The following ARL13B variants were observed in gnomAD, a reference collection of about 807,000 sequenced individuals.
ARL13B encodes the protein ARF like GTPase 13B, also known as ADP-ribosylation factor-like protein 13B.
A neutral mutation model predicts 56.1 loss-of-function variants in ARL13B; 36 were observed. That is an observed-to-expected ratio of 0.64 (90% CI 0.49 to 0.85). The LOEUF (loss-of-function observed/expected upper bound fraction) is 0.85. ARL13B is among the 40% of genes least tolerant of loss of function. The pLI, the probability that ARL13B is intolerant of heterozygous loss-of-function variation, is 0.00. For synonymous variants in ARL13B, 178 were observed against 171.1 expected (o/e 1.04, Z -0.32); for missense variants, 519 against 507.1 (o/e 1.02, Z -0.23).
chr3:93,997,963 G>A (rs930984853), intron 2 of ARL13B, among the ~76,000 whole-genome samples: 3 of 151,998 alleles, frequency 2.0e-5, no homozygotes, highest in Non-Finnish European at 4.4e-5. Context: ...TCCAGTCTGG[G>A]CAACAGTGAG....
intron 3 of ARL13B, among the ~76,000 whole-genome samples, chr3:94,007,001 A>G (rs2076146701): frequency 6.6e-6 from 1 of 152,186 alleles, no homozygotes; most frequent in Non-Finnish European, 1.5e-5. Flanking sequence ...TGTTGCACAC[A>G]GCTTCCTCCT....
In ARL13B at chr3:94,054,168, G is replaced by A. The variant is rs1485675700; in HGVS notation, c.*905G>A. 1 of 453,082 alleles carries A rather than the reference G, an allele frequency of 2.2e-6. No homozygotes were observed. Among genetic ancestry groups the A allele is most frequent in the South Asian group, 1.6e-5 (1 of 64,332 alleles). The allele number at this position is 453,082 out of a possible 1,614,324, so 28.1% of individuals were successfully genotyped here. ...TCAGAAGCTGCAGTGACTCTTTTAG[G>A]TGATTCTAATTCTTTCATGCCTTGA... On this transcript the variant is annotated 3_prime_UTR_variant, in exon 10 of 10. Coordinates refer to ENST00000394222, the MANE Select transcript of ARL13B (RefSeq NM_001174150.2).
chr3:93,996,643 G>T (rs749837056), intron 2 of ARL13B: 3 of 436,694 alleles, frequency 6.9e-6, no homozygotes, highest in South Asian at 3.3e-5. Context: ...CTCCAAGAGT[G>T]CTGGGATTAC....
At chr3:94,046,102 A>G (rs1157383636) in intron 7 of ARL13B, among the ~76,000 whole-genome samples, 2 of 152,138 alleles carry the variant, frequency 1.3e-5, no homozygotes, top group African/African-American at 4.8e-5. Context: ...GGTAATTTTA[A>G]TGAGTTTCAT....
intron 2 of ARL13B, among the ~76,000 whole-genome samples, chr3:94,000,655 A>G (rs965591798): frequency 6.6e-6 from 1 of 151,826 alleles, no homozygotes. Context: ...ATATATATAT[A>G]TTTCCCCAAT....
chr3:94,001,123 G>T (rs990485161), intron 2 of ARL13B, among the ~76,000 whole-genome samples: 2 of 152,080 alleles, frequency 1.3e-5, no homozygotes, highest in African/African-American at 4.8e-5. Flanking sequence ...TATGATAGAG[G>T]TAAAGGTGAT....
At chr3:93,997,667 G>A (rs1478634358) in intron 2 of ARL13B, among the ~76,000 whole-genome samples, 15 of 152,114 alleles carry the variant, frequency 9.9e-5, no homozygotes, top group Admixed American at 5.9e-4. Flanking sequence ...TTTTTATACT[G>A]TAGTGTGAAA....
chr3:94,016,036 G>A (rs1250132272), intron 3 of ARL13B, among the ~76,000 whole-genome samples: 2 of 152,028 alleles, frequency 1.3e-5, no homozygotes, highest in African/African-American at 2.4e-5. Context: ...GAGTAATAAT[G>A]ATATTGACAC....
intron 2 of ARL13B, 135 bp downstream of exon 2, chr3:93,996,079 T>C: frequency 4.4e-6 from 4 of 899,346 alleles, no homozygotes; most frequent in Non-Finnish European, 7.0e-6. Context: ...CTTAGTATAT[T>C]TGTGACTCTT....
chr3:94,017,994 A>G (rs529680595), intron 3 of ARL13B, among the ~76,000 whole-genome samples: 1 of 152,358 alleles, frequency 6.6e-6, no homozygotes, highest in Admixed American at 6.5e-5. Flanking sequence ...TAGGTGCAGT[A>G]GAAGACAGTT....
rs748797923 is a variant in ARL13B at position 94,050,938 on chromosome 3, A to T, written c.1210+46A>T. ...TTCAGATATCATCTGTACATGTCAC[A>T]TTCACTTTTCTTTAGCCTTATAATT... On this transcript the variant is annotated intron_variant, in intron 9 of 9. Transcript: ENST00000394222. 1.9e-6 allele frequency: 3 copies of T among 1,558,328 alleles called. 1 individual carries two copies. Among genetic ancestry groups the T allele is most frequent in the South Asian group, 2.3e-5 (2 of 88,276 alleles).
intron 3 of ARL13B, among the ~76,000 whole-genome samples, chr3:94,014,040 G>A (rs2076274993): frequency 2.0e-5 from 3 of 152,150 alleles, no homozygotes; most frequent in Admixed American, 2.0e-4. Context: ...CAGCCAAATG[G>A]ATTGCCTAGG....
Position 93,980,274 on chromosome 3 carries a change from C to T in ARL13B, c.-150C>T, listed in dbSNP as rs1479530978. The T allele has an allele frequency of 2.0e-6, 2 of 1,008,642 alleles. No homozygotes were observed. Among genetic ancestry groups the T allele is most frequent in the Non-Finnish European group, 1.5e-6 (1 of 659,570 alleles). 62.5% of individuals were successfully genotyped at this position (1,008,642 alleles called of 1,614,324 possible). A position where few individuals can be genotyped will look rare whatever the true frequency, so the allele number is the denominator to read the frequency against. On this transcript the variant is annotated 5_prime_UTR_variant, in exon 1 of 10. Transcript: ENST00000394222. ...CACGCGGTTAGCAAGGCTTAGTGCT[C>T]GGGCCGGCCGCCTTCACTTCCCTCC...
At chr3:94,032,156 G>C (rs536767817) in intron 3 of ARL13B, among the ~76,000 whole-genome samples, 1 of 152,092 alleles carries the variant, frequency 6.6e-6, no homozygotes, top group South Asian at 2.1e-4. Context: ...AAATATTTGC[G>C]ACCTCTTTAT....
intron 3 of ARL13B, among the ~76,000 whole-genome samples, chr3:94,024,362 GAA>G (rs1419175661): frequency 2.6e-5 from 4 of 152,216 alleles, no homozygotes; most frequent in Non-Finnish European, 5.9e-5. Flanking sequence ...GAGAGAAAGA[GAA>G]AGTGGCATCA....
chr3:94,003,696 A>G lies in ARL13B; in HGVS notation c.168A>G (p.Ser56=). ...PEDVAPTVGF[S]KINLRQGKFE... is the part of the protein sequence containing the mutation. ...ATGTAGCTCCTACTGTTGGATTTTC[A>G]AAAATTAACCTTAGACAAGGAAAGT... is the stretch of plus-strand genomic sequence containing the variant. Residue 56 remains serine (S), a synonymous_variant, in exon 3 of 10, where the codon TCA becomes TCG. Transcript: ENST00000394222. 5 of 1,613,530 alleles carry G rather than the reference A, an allele frequency of 3.1e-6. No homozygotes were observed. Among genetic ancestry groups the G allele is most frequent in the Non-Finnish European group, 4.2e-6 (5 of 1,179,608 alleles).
At chr3:94,016,769 C>G (rs764853061) in intron 3 of ARL13B, among the ~76,000 whole-genome samples, 5 of 151,808 alleles carry the variant, frequency 3.3e-5, no homozygotes, top group Non-Finnish European at 5.9e-5. Flanking sequence ...GCCTCAGCCT[C>G]CTGAGTAGCT....
At chr3:94,014,699 A>G (rs2076290959) in intron 3 of ARL13B, 2 of 1,612,788 alleles carry the variant, frequency 1.2e-6, no homozygotes, top group Non-Finnish European at 1.7e-6. Context: ...AAAACTTCCC[A>G]TTTTCCTTGA....
At chr3:94,033,215 G>A (rs1328847128) in intron 3 of ARL13B, among the ~76,000 whole-genome samples, 2 of 152,138 alleles carry the variant, frequency 1.3e-5, no homozygotes, top group Non-Finnish European at 2.9e-5. Flanking sequence ...GACTTGGACA[G>A]GTGGGAGGGT....
Sources: allele counts gnomAD v4.1 joint callset (sites outside exome capture counted in the v4.1 genomes callset), GRCh38; gene constraint gnomAD v4.1.1; transcripts MANE v1.5; gene names NCBI Gene and HGNC (gene_info 2026-07-23, HGNC 2026-07-21).